The following DOC2B variants were observed in gnomAD, a reference collection of about 807,000 sequenced individuals.
DOC2B encodes the protein double C2 domain beta.
DOC2B carries 21 observed loss-of-function variants against 28.9 expected under a neutral mutation model. That is an observed-to-expected ratio of 0.73 (90% CI 0.52 to 1.05). The LOEUF is 1.05. DOC2B is among the 50% of genes least tolerant of loss of function. DOC2B has a pLI of 0.00. For synonymous variants in DOC2B, 194 were observed against 178.1 expected, an observed-to-expected ratio of 1.09 and a Z score of -0.71; for missense variants, 384 against 421.1, an observed-to-expected ratio of 0.91 and a Z score of 0.77.
intron 4 of DOC2B, 95 bp downstream of exon 4, chr17:161,986 G>A (rs2151466733): frequency 1.1e-6 from 1 of 886,270 alleles, no homozygotes. Context: ...GAACCCACAG[G>A]GGACCATCTG....
chr17:159,831 C>T (rs2040179417), intron 5 of DOC2B, among the ~76,000 whole-genome samples: 2 of 148,276 alleles, frequency 1.3e-5, no homozygotes, highest in Admixed American at 6.7e-5. Context: ...CACTGTCGCA[C>T]ACAGACACGT....
chr17:179,344 G>A (rs890899676), intron 1 of DOC2B, among the ~76,000 whole-genome samples: 2 of 148,556 alleles, frequency 1.3e-5, no homozygotes, highest in Non-Finnish European at 1.5e-5. Flanking sequence ...GGGGCTGGCT[G>A]GCCTGAGTTT....
At chr17:159,485 G>A (rs1457545699) in intron 5 of DOC2B, among the ~76,000 whole-genome samples, 4 of 152,300 alleles carry the variant, frequency 2.6e-5, no homozygotes, top group East Asian at 1.9e-4. Flanking sequence ...TTAACCAGGC[G>A]TGGCGGCACA....
intron 3 of DOC2B, chr17:163,532 G>T (rs1445320826): frequency 1.3e-5 from 2 of 152,374 alleles, no homozygotes; most frequent in Non-Finnish European, 2.9e-5. Flanking sequence ...ACTTTCCATG[G>T]CTCAAGGTCA....
At chr17:164,351 G>T in intron 2 of DOC2B, 147 bp from the exon 3 acceptor site, 1 of 636,398 alleles carries the variant, frequency 1.6e-6, no homozygotes, top group East Asian at 2.8e-5. Context: ...ACCTCCAGAT[G>T]GAGGGAGTGA....
rs751718847 is a variant in DOC2B, at chr17:164,085, G to C, written c.528+45C>G. On this transcript the variant is annotated intron_variant, in intron 3 of 8. Transcript: ENST00000613549. ...GGACCAGAGTGCATTGCCTGAGGTG[G>C]TGGGCGGGTGCAGCTGGTGGGCAGG... 5.5e-6 allele frequency: 8 copies of C among 1,450,038 alleles called. No homozygotes were observed. The Admixed American group carries it at 7.9e-5, about 14-fold the overall frequency. 89.8% of individuals were successfully genotyped at this position (1,450,038 alleles called of 1,614,324 possible).
At chr17:175,190 T>C (rs192537301) in intron 1 of DOC2B, among the ~76,000 whole-genome samples, 2 of 152,340 alleles carry the variant, frequency 1.3e-5, no homozygotes, top group Non-Finnish European at 2.9e-5. Flanking sequence ...GTGAGTGTGA[T>C]TGTGCCACTG....
Position 181,551 on chromosome 17 carries a change from C to G in DOC2B, c.-72G>C. The stretch of plus-strand genomic sequence containing the variant: ...CCCGGCCCGGGGGCGGCTCAGCAGG[C>G]CCGGCGGGGCGCGGCGGGGGCTGCG... On this transcript the variant is annotated 5_prime_UTR_variant, in exon 1 of 9. Coordinates refer to ENST00000613549, the MANE Select transcript of DOC2B (RefSeq NM_003585.5). This position sits in a 1 kb window ranked among gnomAD's most constrained non-coding sequence, Gnocchi z 7.0. The G allele has an allele frequency of 1.2e-6, 1 of 844,618 alleles. No individual in the cohort carries two copies. The highest frequency in any genetic ancestry group is 1.4e-6 in the Non-Finnish European group (1 of 704,716). The allele number at this position is 844,618 out of a possible 1,614,324, so 52.3% of individuals were successfully genotyped here. A position where few individuals can be genotyped will look rare whatever the true frequency, so the allele number is the denominator to read the frequency against.
rs1281397042 is a variant in DOC2B at position 181,403 on chromosome 17, G to T, written c.77C>A (p.Pro26His). The T allele has an allele frequency of 8.5e-7, 1 of 1,177,494 alleles. No individual in the cohort carries two copies. Among genetic ancestry groups the T allele is most frequent in the East Asian group, 5.4e-5 (1 of 18,586 alleles). 72.9% of individuals were successfully genotyped at this position (1,177,494 alleles called of 1,614,324 possible). The change falls in exon 1 of 9, where the codon CCC becomes CAC. Residue 26 changes from proline to histidine, a missense_variant. Physicochemically the swap from Pro to His is moderately conservative, Grantham distance 77. Coordinates refer to ENST00000613549, the MANE Select transcript of DOC2B (RefSeq NM_003585.5). This position sits in a 1 kb window ranked among gnomAD's most constrained non-coding sequence, Gnocchi z 7.0. ...GGAGATCTGCTTGATGGGACGGATG[G>T]GGCCGGGGCACACGTCGATGGCCAT... is the stretch of plus-strand genomic sequence containing the variant. ...EHMAIDVCPG[P>H]IRPIKQISDY... is the part of the protein sequence containing the mutation.
At chr17:163,057 G>A (rs775677427) in intron 3 of DOC2B, among the ~76,000 whole-genome samples, 1 of 152,186 alleles carries the variant, frequency 6.6e-6, no homozygotes, top group Non-Finnish European at 1.5e-5. Flanking sequence ...ACTGTGGAAA[G>A]GGCACAGGAA....
chr17:161,942 CA>C, intron 4 of DOC2B, 138 bp downstream of exon 4: 1 of 676,312 alleles, frequency 1.5e-6, no homozygotes, highest in Admixed American at 2.6e-5. Context: ...TGCCTTTCTT[CA>C]AGCCCCCAAG....
chr17:165,399 T>C (rs1173250596), intron 2 of DOC2B, among the ~76,000 whole-genome samples: 1 of 150,426 alleles, frequency 6.6e-6, no homozygotes, highest in Non-Finnish European at 1.5e-5. Context: ...GGAGGATCGC[T>C]TGAACCTGGG....
chr17:146,068 G>C lies in DOC2B; in HGVS notation c.*1373C>G, dbSNP rs1483360712. 3 of 152,224 alleles carry C rather than the reference G, an allele frequency of 2.0e-5. No homozygotes were observed. The highest frequency in any genetic ancestry group is 4.8e-5 in the African/African-American group (2 of 41,442). 9.4% of individuals were successfully genotyped at this position (152,224 alleles called of 1,614,324 possible). A position where few individuals can be genotyped will look rare whatever the true frequency, so the allele number is the denominator to read the frequency against. Reference sequence around the variant, plus strand: ...GATTCAGATACTCTCAAGCCTCCTGGGGAGTCTCACTCAGGGGAGCAGACA... The same window carrying C: ...GATTCAGATACTCTCAAGCCTCCTGCGGAGTCTCACTCAGGGGAGCAGACA... On this transcript the variant is annotated 3_prime_UTR_variant, in exon 9 of 9. Transcript: ENST00000613549.
Position 156,242 on chromosome 17 carries a change from A to G in DOC2B, c.901T>C (p.Tyr301His), listed in dbSNP as rs1472598832. Reference sequence around the variant, plus strand: ...CACGTTTTCACGTAGGGGTCCGAGTAGCCGTTGGCGTCCATGGCGGCCAGG... The same window carrying G: ...CACGTTTTCACGTAGGGGTCCGAGTGGCCGTTGGCGTCCATGGCGGCCAGG... Reference protein sequence around the residue: ...AHLAAMDANGYSDPYVKTYLR... With the variant: ...AHLAAMDANGHSDPYVKTYLR... Residue 301 changes from tyrosine (Y) to histidine (H), a missense_variant, in exon 6 of 9, where the codon TAC (tyrosine) becomes CAC (histidine). By Grantham distance (83) the Tyr-to-His change is moderately conservative. Transcript: ENST00000613549. 4 of 1,551,052 alleles carry G rather than the reference A, an allele frequency of 2.6e-6. No homozygotes were observed. Among genetic ancestry groups the G allele is most frequent in the Non-Finnish European group, 3.5e-6 (4 of 1,146,866 alleles).
In DOC2B at chr17:147,358, C is replaced by T; in HGVS notation, c.*83G>A. 2.5e-6 allele frequency: 1 copy of T among 398,318 alleles called. No individual in the cohort carries two copies. Among genetic ancestry groups the T allele is most frequent in the Non-Finnish European group, 4.4e-6 (1 of 225,910 alleles). 24.7% of individuals were successfully genotyped at this position (398,318 alleles called of 1,614,324 possible). On this transcript the variant is annotated 3_prime_UTR_variant, in exon 9 of 9. Transcript: ENST00000613549. ...TGGATCTCCCCCAGTGTGGGGGCCA[C>T]AGGCCTTGGTGGCTGCTGGGGAAGC...
In DOC2B at chr17:144,427, T is replaced by C. The variant is rs2040005940; in HGVS notation, c.*3014A>G. ...GGCGTGCGCCACCACACCCGGCTAA[T>C]TTTTGTATTTTTAGTAGAGATGGGG... On this transcript the variant is annotated 3_prime_UTR_variant, in exon 9 of 9. Coordinates refer to ENST00000613549, the MANE Select transcript of DOC2B (RefSeq NM_003585.5). The C allele has an allele frequency of 6.6e-6, 1 of 152,066 alleles. No individual in the cohort carries two copies. The highest frequency in any genetic ancestry group is 6.6e-5 in the Admixed American group (1 of 15,260). The allele number at this position is 152,066 out of a possible 1,614,324, so 9.4% of individuals were successfully genotyped here.
intron 2 of DOC2B, among the ~76,000 whole-genome samples, chr17:168,767 A>C (rs1207435674): frequency 6.6e-6 from 1 of 152,218 alleles, no homozygotes; most frequent in African/African-American, 2.4e-5. Flanking sequence ...GATAAGGGGA[A>C]ACCCGTTTTC....
chr17:181,408 G>C lies in DOC2B; in HGVS notation c.72C>G (p.Pro24=). ...TCTGCTTGATGGGACGGATGGGGCC[G>C]GGGCACACGTCGATGGCCATATGCT... The part of the protein sequence containing the change: ...IQEHMAIDVC[P]GPIRPIKQIS... Residue 24 remains proline (P), a synonymous_variant, in exon 1 of 9, where the codon CCC becomes CCG. Coordinates refer to ENST00000613549, the MANE Select transcript of DOC2B (RefSeq NM_003585.5). This position sits in a 1 kb window ranked among gnomAD's most constrained non-coding sequence, Gnocchi z 7.0. 8.4e-7 allele frequency: 1 copy of C among 1,185,228 alleles called. No individual in the cohort carries two copies. Among genetic ancestry groups the C allele is most frequent in the South Asian group, 2.3e-5 (1 of 43,944 alleles). The allele number at this position is 1,185,228 out of a possible 1,614,324, so 73.4% of individuals were successfully genotyped here. A position where few individuals can be genotyped will look rare whatever the true frequency, so the allele number is the denominator to read the frequency against.
At chr17:152,771 A>T (rs34245596) in intron 6 of DOC2B, among the ~76,000 whole-genome samples, 1 of 151,914 alleles carries the variant, frequency 6.6e-6, no homozygotes, top group Non-Finnish European at 1.5e-5. Context: ...TCACTGTCTC[A>T]AAAAAGAAAG....
Sources: gnomAD v4.1 joint callset for allele counts (sites outside exome capture counted in the v4.1 genomes callset) on GRCh38, gnomAD v4.1.1 for gene constraint, Gnocchi (gnomAD v3.1) non-coding constraint, MANE v1.5 for transcripts, NCBI Gene and HGNC (gene_info 2026-07-23, HGNC 2026-07-21) for gene names.